Variants in CFAP52 observed in about 807,000 individuals in gnomAD.
CFAP52 encodes cilia and flagella associated protein 52, also known as cilia- and flagella-associated protein 52.
Under a neutral mutation model 70.5 loss-of-function variants are expected in CFAP52, and 57 were observed. That is an observed-to-expected ratio of 0.81 (90% CI 0.65 to 1.01). The LOEUF (loss-of-function observed/expected upper bound fraction) is 1.01. Among genes scored for constraint, CFAP52 ranks in the 50% least tolerant of loss-of-function variants. The pLI, the probability that CFAP52 is intolerant of heterozygous loss-of-function variation, is 0.00. For synonymous variants in CFAP52, 267 were observed against 292.5 expected (o/e 0.91, Z 0.89); for missense variants, 785 against 788.5 (o/e 1.00, Z 0.05).
At chr17:9,595,502 C>T (rs1908959405) in intron 4 of CFAP52, among the ~76,000 whole-genome samples, 1 of 152,114 alleles carries the variant, frequency 6.6e-6, no homozygotes, top group Non-Finnish European at 1.5e-5. Context: ...CACTCTTCAA[C>T]TTTTTTCAGA....
rs1907964591 is a variant in CFAP52 at position 9,576,746 on chromosome 17, C to A, written c.51C>A (p.Asp17Glu). The change falls in exon 1 of 14, where the codon GAC becomes GAA. Residue 17 changes from aspartate to glutamate, a missense_variant. Transcript: ENST00000352665. ...CCCAAGTGGCGGAGCTGGAACTTGA[C>A]GCCGTGATCGGCTTCAATGGTGAGG... is the stretch of plus-strand genomic sequence containing the variant. Reference protein sequence around the residue: ...PEAQVAELELDAVIGFNGHVP... With the variant: ...PEAQVAELELEAVIGFNGHVP... 1 of 1,612,356 alleles carries A rather than the reference C, an allele frequency of 6.2e-7. No homozygotes were observed. The highest frequency in any genetic ancestry group is 8.5e-7 in the Non-Finnish European group (1 of 1,179,190).
chr17:9,600,544 A>T (rs1028893744), intron 6 of CFAP52, among the ~76,000 whole-genome samples: 3 of 152,032 alleles, frequency 2.0e-5, no homozygotes, highest in Non-Finnish European at 4.4e-5. Context: ...TGCCCGGACA[A>T]AGCACACACT....
chr17:9,638,185 A>G (rs935773596), intron 11 of CFAP52, among the ~76,000 whole-genome samples: 2 of 152,326 alleles, frequency 1.3e-5, no homozygotes, highest in African/African-American at 4.8e-5. Flanking sequence ...AAAATAAAAT[A>G]CCCTTCCCCA....
At chr17:9,604,352 A>T (rs540749336) in intron 6 of CFAP52, among the ~76,000 whole-genome samples, 1 of 152,322 alleles carries the variant, frequency 6.6e-6, no homozygotes, top group African/African-American at 2.4e-5. Context: ...ACAGAGTGAG[A>T]GGAAATATTG....
intron 1 of CFAP52, among the ~76,000 whole-genome samples, chr17:9,585,440 G>C (rs932474630): frequency 6.6e-6 from 1 of 152,110 alleles, no homozygotes; most frequent in African/African-American, 2.4e-5. Flanking sequence ...AGGCTAAGGT[G>C]GACGGATCAC....
chr17:9,631,068 A>AAAGAGAGAGAGAGAGAGAGAGAGAG (rs1910506998), intron 9 of CFAP52, among the ~76,000 whole-genome samples: 1 of 106,584 alleles, frequency 9.4e-6, no homozygotes, highest in Admixed American at 8.9e-5. Context: ...GAAAGAAAGA[A>AAAGAGAGAGAGAGAGAGAGAGAGAG]AGAAAGAAAG....
intron 11 of CFAP52, among the ~76,000 whole-genome samples, chr17:9,636,708 C>T (rs185351268): frequency 1.2e-4 from 18 of 152,188 alleles, no homozygotes; most frequent in Admixed American, 7.2e-4. Flanking sequence ...ACATGAGATA[C>T]GCTTGATGGG....
rs1009873159 is a variant in CFAP52, at chr17:9,614,247, C to T, written c.1025+1768C>T. The stretch of plus-strand genomic sequence containing the variant: ...CTTGGCTCACTGCAACCTCTGCCTC[C>T]CAGGTTCAAGCAATTCTCCCACCTC... On this transcript the variant is annotated intron_variant, in intron 8 of 13. Transcript: ENST00000352665. Among the ~76,000 whole-genome samples the T allele has an allele frequency of 4.0e-5, 6 of 151,506 alleles. No homozygotes were observed. The East Asian group carries it at 1.2e-3, about 29-fold the overall frequency.
At chr17:9,615,897 C>G (rs1449143089) in intron 8 of CFAP52, among the ~76,000 whole-genome samples, 1 of 150,382 alleles carries the variant, frequency 6.6e-6, no homozygotes, top group Admixed American at 6.6e-5. Flanking sequence ...ACCTCGGCCT[C>G]CCAGAGCACA....
chr17:9,578,481 A>G (rs111758052), intron 1 of CFAP52, among the ~76,000 whole-genome samples: 2,270 of 152,296 alleles, frequency 0.015, 63 homozygotes, highest in African/African-American at 0.051. Flanking sequence ...AGTTGTTTTC[A>G]TATTGCTTAT....
At chr17:9,590,966 A>G (rs2151930881) in intron 3 of CFAP52, among the ~76,000 whole-genome samples, 1 of 150,792 alleles carries the variant, frequency 6.6e-6, no homozygotes, top group South Asian at 2.1e-4. Flanking sequence ...TAGCTTCTAC[A>G]CAGAGGAAAA....
At chr17:9,604,405 A>G (rs1909396700) in intron 6 of CFAP52, among the ~76,000 whole-genome samples, 1 of 152,194 alleles carries the variant, frequency 6.6e-6, no homozygotes, top group Admixed American at 6.5e-5. Context: ...CAAAATATAC[A>G]GAGAACTTTT....
At chr17:9,594,900 T>TTG (rs1908930777) in intron 4 of CFAP52, among the ~76,000 whole-genome samples, 1 of 150,510 alleles carries the variant, frequency 6.6e-6, no homozygotes, top group Admixed American at 6.6e-5. Context: ...AGGGTTTTTT[T>TTG]TTTTTTTTTT....
rs1555543616 is a variant in CFAP52 at position 9,622,008 on chromosome 17, A to AAT, written c.1026-6663_1026-6662insTA. Among the ~76,000 whole-genome samples the AAT allele has an allele frequency of 4.9e-4, 74 of 152,292 alleles. 1 individual carries two copies. The highest frequency in any genetic ancestry group is 1.7e-3 in the African/African-American group (70 of 41,568). On this transcript the variant is annotated intron_variant, in intron 8 of 13. Transcript: ENST00000352665. ...ACCCTAAAACTTAGAGTATAATAAA[A>AAT]AAATAAATAAATAAATATAGTTTTT...
intron 1 of CFAP52, among the ~76,000 whole-genome samples, chr17:9,580,518 T>G (rs1034108526): frequency 1.3e-5 from 2 of 151,974 alleles, no homozygotes; most frequent in African/African-American, 4.8e-5. Flanking sequence ...TGAAACCCTA[T>G]CTCTATAAAA....
chr17:9,596,059 G>GTGTGTGTATATATATA (rs1555541607), intron 4 of CFAP52, among the ~76,000 whole-genome samples: 1 of 85,204 alleles, frequency 1.2e-5, no homozygotes, highest in Non-Finnish European at 2.3e-5. Flanking sequence ...ATATGTGTGT[G>GTGTGTGTATATATATA]TATATATATA....
intron 8 of CFAP52, among the ~76,000 whole-genome samples, chr17:9,622,008 A>T (rs903405599): frequency 9.8e-5 from 15 of 152,294 alleles, no homozygotes; most frequent in East Asian, 3.9e-4. Context: ...GTATAATAAA[A>T]AAATAAATAA....
At chr17:9,613,612 G>T (rs988563429) in intron 8 of CFAP52, among the ~76,000 whole-genome samples, 1 of 151,984 alleles carries the variant, frequency 6.6e-6, no homozygotes. Flanking sequence ...CTGCCTCCTC[G>T]ATTCAAGCGA....
downstream of CFAP52, among the ~76,000 whole-genome samples, chr17:9,644,174 G>C (rs576431389): frequency 6.8e-4 from 104 of 152,304 alleles, no homozygotes; most frequent in African/African-American, 2.3e-3. Flanking sequence ...CCCGGCTGGA[G>C]TGCAATGGCG....
Sources: allele counts gnomAD v4.1 joint callset (sites outside exome capture counted in the v4.1 genomes callset), GRCh38; gene constraint gnomAD v4.1.1; transcripts MANE v1.5; gene names NCBI Gene and HGNC (gene_info 2026-07-23, HGNC 2026-07-21).